Variants in ARHGEF4 observed in about 807,000 individuals in gnomAD.
The protein encoded by ARHGEF4 is Rho guanine nucleotide exchange factor 4, also known as APC-stimulated guanine nucleotide exchange factor 1.
Under a neutral mutation model 162.0 loss-of-function variants are expected in ARHGEF4, and 119 were observed. The observed-to-expected ratio is 0.73, with a 90% CI of 0.63 to 0.86. The LOEUF (loss-of-function observed/expected upper bound fraction) is 0.86, where lower values mean the gene tolerates loss of function less well. Ranked by LOEUF, ARHGEF4 falls within the 40% of genes least tolerant of loss-of-function variation. The pLI, the probability that ARHGEF4 is intolerant of heterozygous loss-of-function variation, is 0.00. For synonymous variants in ARHGEF4, 1,014 were observed against 979.9 expected, an observed-to-expected ratio of 1.03 and a Z score of -0.65; for missense variants, 2,488 against 2,456.0, an observed-to-expected ratio of 1.01 and a Z score of -0.28.
intron 4 of ARHGEF4, among the ~76,000 whole-genome samples, chr2:131,019,836 G>A (rs1008997733): frequency 7.2e-5 from 11 of 152,150 alleles, no homozygotes; most frequent in African/African-American, 2.4e-4. Flanking sequence ...GGGTTTCACT[G>A]TGTTAGCCAG....
intron 5 of ARHGEF4, chr2:131,035,882 C>T: frequency 1.0e-6 from 1 of 985,182 alleles, no homozygotes; most frequent in Non-Finnish European, 1.2e-6. Context: ...CAGGGAGTAG[C>T]TGGAGGCAGA....
At chr2:130,854,066 T>G (rs1681594868) in intron 1 of ARHGEF4, among the ~76,000 whole-genome samples, 1 of 152,074 alleles carries the variant, frequency 6.6e-6, no homozygotes, top group South Asian at 2.1e-4. Flanking sequence ...CTGATGTGTG[T>G]GGAAATAACT....
chr2:130,963,080 GA>G (rs1484685526), intron 4 of ARHGEF4, among the ~76,000 whole-genome samples: 2 of 152,104 alleles, frequency 1.3e-5, no homozygotes, highest in Non-Finnish European at 2.9e-5. Flanking sequence ...CACACACTCC[GA>G]AAAAAATAAA....
chr2:130,850,206 A>G (rs1015681056), intron 1 of ARHGEF4, among the ~76,000 whole-genome samples: 2 of 152,164 alleles, frequency 1.3e-5, no homozygotes, highest in African/African-American at 4.8e-5. Flanking sequence ...GGGAGGGGGC[A>G]GCCTCTCTAG....
intron 4 of ARHGEF4, among the ~76,000 whole-genome samples, chr2:130,994,652 C>G (rs562186830): frequency 4.7e-4 from 72 of 152,270 alleles, no homozygotes; most frequent in African/African-American, 1.7e-3. Context: ...TCCTGAATCT[C>G]CACCTTCCTG....
intron 1 of ARHGEF4, among the ~76,000 whole-genome samples, chr2:130,871,544 TATATATATATAC>T (rs979992944): frequency 6.7e-6 from 1 of 149,066 alleles, no homozygotes; most frequent in Non-Finnish European, 1.5e-5. Flanking sequence ...CTCAAAAAAA[TATATATATATAC>T]ATATATATAT....
At chr2:130,889,836 CT>C (rs1207440974) in intron 1 of ARHGEF4, among the ~76,000 whole-genome samples, 2 of 137,652 alleles carry the variant, frequency 1.5e-5, no homozygotes, top group Non-Finnish European at 3.1e-5. Flanking sequence ...AAAAAAAGTA[CT>C]TGCTATTGAA....
rs138416226 is a variant in ARHGEF4 at position 130,920,632 on chromosome 2, C to G, written c.3552+3134C>G. ...TGACTGCGCCATCTTGTGGGCATTCCTGGGAGAGCAGGCTCTGATGGTGAG... is the reference window on the plus strand; with the variant it reads ...TGACTGCGCCATCTTGTGGGCATTCGTGGGAGAGCAGGCTCTGATGGTGAG... On this transcript the variant is annotated intron_variant, in intron 2 of 13. Coordinates refer to ENST00000409359, the MANE Select transcript of ARHGEF4 (RefSeq NM_001367493.1). Among the ~76,000 whole-genome samples the G allele has an allele frequency of 3.2e-3, 487 of 152,260 alleles. 2 individuals are homozygous for G. The highest frequency in any genetic ancestry group is 9.1e-3 in the Admixed American group (139 of 15,294).
At chr2:131,039,882 G>GCCGGCCAGT in intron 6 of ARHGEF4, 134 bp from the exon 7 acceptor site, 1 of 1,430,524 alleles carries the variant, frequency 7.0e-7, no homozygotes. Context: ...GGGGGAGCTG[G>GCCGGCCAGT]CCGGCCAGTC....
chr2:130,888,882 C>T (rs1485977957), intron 1 of ARHGEF4, among the ~76,000 whole-genome samples: 3 of 151,900 alleles, frequency 2.0e-5, no homozygotes, highest in Admixed American at 2.0e-4. Flanking sequence ...AGGTGGATCA[C>T]CTGAGGTCAG....
intron 1 of ARHGEF4, among the ~76,000 whole-genome samples, chr2:130,867,169 G>A (rs1422895115): frequency 2.0e-5 from 3 of 151,864 alleles, no homozygotes; most frequent in Non-Finnish European, 4.4e-5. Context: ...AGAGCTGTTG[G>A]TAATGTCCCT....
Position 130,915,266 on chromosome 2 carries a change from ATGCCTCACCT to A in ARHGEF4, c.1321_1330del (p.Cys441GlnfsTer3). ...ATTCCAGGTCATGTCTGGTGGCTTC[ATGCCTCACCT>A]CAGAGTTAGTGAAGCTCAGTGCAGA... On this transcript the variant is annotated frameshift_variant, in exon 2 of 14. Transcript: ENST00000409359. LOFTEE classifies it high-confidence loss of function. 6.4e-7 allele frequency: 1 copy of A among 1,550,600 alleles called. No homozygotes were observed. Among genetic ancestry groups the A allele is most frequent in the Non-Finnish European group, 8.7e-7 (1 of 1,147,014 alleles).
intron 3 of ARHGEF4, among the ~76,000 whole-genome samples, chr2:130,931,829 A>G (rs1177267091): frequency 6.6e-6 from 1 of 152,160 alleles, no homozygotes; most frequent in Non-Finnish European, 1.5e-5. Flanking sequence ...TTTTCCCTTT[A>G]TAAATAGCAA....
At chr2:130,841,389 T>TG (rs1680601170) in intron 1 of ARHGEF4, among the ~76,000 whole-genome samples, 1 of 150,024 alleles carries the variant, frequency 6.7e-6, no homozygotes, top group African/African-American at 2.5e-5. Context: ...TTTTTTTTTT[T>TG]ACATTTCTAT....
chr2:130,986,235 G>A (rs1686489725), intron 4 of ARHGEF4, among the ~76,000 whole-genome samples: 1 of 152,184 alleles, frequency 6.6e-6, no homozygotes, highest in Non-Finnish European at 1.5e-5. Context: ...TGGTTTCACT[G>A]CCTTTCTCTG....
At chr2:130,894,212 C>A (rs2104996943) in intron 1 of ARHGEF4, among the ~76,000 whole-genome samples, 1 of 152,296 alleles carries the variant, frequency 6.6e-6, no homozygotes. Context: ...CTGAACTAAA[C>A]AGAAGCACAG....
intron 4 of ARHGEF4, among the ~76,000 whole-genome samples, chr2:130,976,068 C>T (rs1228309546): frequency 6.6e-6 from 1 of 152,072 alleles, no homozygotes; most frequent in Non-Finnish European, 1.5e-5. Flanking sequence ...CCCGTGTTTA[C>T]TCTGCTCGGA....
intron 4 of ARHGEF4, among the ~76,000 whole-genome samples, chr2:130,950,934 G>C (rs1383696580): frequency 6.6e-6 from 1 of 152,198 alleles, no homozygotes; most frequent in South Asian, 2.1e-4. Context: ...CCACTGATGA[G>C]CAATTGGATT....
Position 131,046,094 on chromosome 2 carries a change from C to T in ARHGEF4, c.5536C>T (p.Arg1846Trp), listed in dbSNP as rs780161113. 16 of 1,612,782 alleles carry T rather than the reference C, an allele frequency of 9.9e-6. No homozygotes were observed. The highest frequency in any genetic ancestry group is 2.7e-5 in the African/African-American group (2 of 74,920). The change falls in exon 14 of 14, where the codon CGG becomes TGG. Residue 1846 changes from arginine to tryptophan, a missense_variant. By Grantham distance (101) the Arg-to-Trp change is moderately radical. Around this residue, in one of 6 missense-constraint regions of ARHGEF4, gnomAD observed 415 missense variants for 512.4 expected, o/e 0.81. Transcript: ENST00000409359. ...RQKHPALPSNRPQQQVLVLAE... is the reference protein window; with the variant it reads ...RQKHPALPSNWPQQQVLVLAE... The stretch of plus-strand genomic sequence containing the variant: ...GAAGCACCCAGCCCTGCCCAGCAAC[C>T]GGCCCCAGCAGCAGGTCCTGGTGCT...
Sources: gnomAD v4.1 joint callset for allele counts (sites outside exome capture counted in the v4.1 genomes callset) on GRCh38, gnomAD v4.1.1 for gene constraint, gnomAD v4.1.1 regional missense constraint, MANE v1.5 for transcripts, NCBI Gene and HGNC (gene_info 2026-07-23, HGNC 2026-07-21) for gene names.